Variants in USO1 observed in about 807,000 individuals in gnomAD.
The protein encoded by USO1 is USO1 vesicle transport factor, also known as general vesicular transport factor p115.
A neutral mutation model predicts 124.5 loss-of-function variants in USO1; 57 were observed. The ratio of observed to expected loss-of-function variants is 0.46; its 90% confidence interval spans 0.37 to 0.57. USO1 has a LOEUF of 0.57. Among genes scored for constraint, USO1 ranks in the 20% least tolerant of loss-of-function variants. The pLI, the probability that USO1 is intolerant of heterozygous loss-of-function variation, is 0.00. For missense variants in USO1, 900 were observed against 1,040.6 expected (o/e 0.86, Z 1.86); for synonymous variants, 369 against 362.8 (o/e 1.02, Z -0.19).
At position 75,800,695 on chromosome 4, in the gene USO1, A is replaced by G; in HGVS notation, c.1760A>G (p.His587Arg). The change falls in exon 16 of 24, where the codon CAT (histidine) becomes CGT (arginine). Residue 587 changes from histidine (H) to arginine (R), a missense_variant. By Grantham distance (29) the His-to-Arg change is conservative. Transcript: ENST00000514213. The part of the protein sequence containing the change: ...FIEKLGFISK[H>R]ELYSRASQKP... ...GAGAAACTAGGATTTATTAGCAAACATGAGTTGTATTCCAGAGCATCTCAG... is the reference window on the plus strand; with the variant it reads ...GAGAAACTAGGATTTATTAGCAAACGTGAGTTGTATTCCAGAGCATCTCAG... 3 of 1,604,100 alleles carry G rather than the reference A, an allele frequency of 1.9e-6. No homozygotes were observed. Among genetic ancestry groups the G allele is most frequent in the Non-Finnish European group, 2.5e-6 (3 of 1,177,570 alleles).
At chr4:75,739,415 A>G (rs952265593) in intron 1 of USO1, among the ~76,000 whole-genome samples, 9 of 151,922 alleles carry the variant, frequency 5.9e-5, no homozygotes, top group Non-Finnish European at 1.0e-4. Flanking sequence ...CAACATACAC[A>G]TCTCCAATTG....
chr4:75,800,919 C>T (rs1722831219), intron 16 of USO1, 120 bp downstream of exon 16: 2 of 1,441,336 alleles, frequency 1.4e-6, no homozygotes, highest in Non-Finnish European at 1.8e-6. Context: ...CTTCCTAGCT[C>T]TTGATCTGTA....
At chr4:75,757,332 CAATTAG>C (rs1721476219) in intron 3 of USO1, among the ~76,000 whole-genome samples, 159 bp from the exon 4 acceptor site, 1 of 152,002 alleles carries the variant, frequency 6.6e-6, no homozygotes, top group Admixed American at 6.6e-5. Context: ...TAAATTTTCA[CAATTAG>C]AAATAAAACT....
chr4:75,727,837 A>G (rs1476772655), intron 1 of USO1, among the ~76,000 whole-genome samples: 1 of 152,094 alleles, frequency 6.6e-6, no homozygotes, highest in East Asian at 1.9e-4. Context: ...TAAATTCATC[A>G]TCAGCGCCTC....
At position 75,812,363 on chromosome 4, in the gene USO1, T is replaced by A; in HGVS notation, c.2787T>A (p.Asp929Glu). ...TGTCATTGAAGAATAAACTCAAGGATCTTGGTCATCCAGTAAGATTAAAAT... is the reference window on the plus strand; with the variant it reads ...TGTCATTGAAGAATAAACTCAAGGAACTTGGTCATCCAGTAAGATTAAAAT... ...KILSLKNKLKDLGHPVEEEDE... is the reference protein window; with the variant it reads ...KILSLKNKLKELGHPVEEEDE... Residue 929 changes from aspartate (D) to glutamate (E), a missense_variant, in exon 23 of 24, where the codon GAT (aspartate) becomes GAA (glutamate). This residue lies in a region of USO1 where 362 missense variants were observed against 359.0 expected (regional missense o/e 1.01). Transcript: ENST00000514213. 1 of 1,587,816 alleles carries A rather than the reference T, an allele frequency of 6.3e-7. No homozygotes were observed. Among genetic ancestry groups the A allele is most frequent in the Non-Finnish European group, 8.6e-7 (1 of 1,166,818 alleles).
At chr4:75,801,372 C>T (rs1722846697) in intron 17 of USO1, among the ~76,000 whole-genome samples, 172 bp downstream of exon 17, 1 of 152,098 alleles carries the variant, frequency 6.6e-6, no homozygotes, top group South Asian at 2.1e-4. Flanking sequence ...TGCTAAGCAC[C>T]ATGCAGCTGA....
chr4:75,727,280 G>A (rs965771730), intron 1 of USO1, among the ~76,000 whole-genome samples: 1 of 152,180 alleles, frequency 6.6e-6, no homozygotes, highest in East Asian at 1.9e-4. Context: ...ACTGTGGATG[G>A]AACAACATAG....
rs766161115 is a variant in USO1, at chr4:75,774,760, C to A, written c.640C>A (p.Leu214Met). 1 of 1,613,676 alleles carries A rather than the reference C, an allele frequency of 6.2e-7. No homozygotes were observed. The highest frequency in any genetic ancestry group is 1.1e-5 in the South Asian group (1 of 91,054). Residue 214 changes from leucine (L) to methionine (M), a missense_variant, in exon 8 of 24, where the codon CTG becomes ATG. By Grantham distance (15) the Leu-to-Met change is conservative. Transcript: ENST00000514213. ...VAFENAFERL[L>M]DIISEEGNSD... ...TTTTGAAAATGCTTTCGAGAGACTA[C>A]TGGACATTATTTCAGAGGAGGGGAA... is the stretch of plus-strand genomic sequence containing the variant.
chr4:75,747,313 G>A (rs976883254), intron 1 of USO1, among the ~76,000 whole-genome samples: 6 of 152,120 alleles, frequency 3.9e-5, no homozygotes, highest in Non-Finnish European at 8.8e-5. Context: ...GTCTTGCTCT[G>A]TCATCCAGGC....
rs1156480083 is a variant in USO1 at position 75,802,915 on chromosome 4, TC to T, written c.1987-1218del. 2.0e-5 allele frequency among the ~76,000 whole-genome samples: 3 copies of T among 150,102 alleles called. No homozygotes were observed. The East Asian group carries it at 5.8e-4, about 29-fold the overall frequency. Reference sequence around the variant, plus strand: ...CTGACCAACATGGAGAAACCCTGTCTCTACTAAAAATACAAAAAATTAGCTG... The same window carrying T: ...CTGACCAACATGGAGAAACCCTGTCTTACTAAAAATACAAAAAATTAGCTG... On this transcript the variant is annotated intron_variant, in intron 17 of 23. Coordinates refer to ENST00000514213, the MANE Select transcript of USO1 (RefSeq NM_003715.4).
chr4:75,755,358 G>T, intron 3 of USO1: 2 of 462,584 alleles, frequency 4.3e-6, no homozygotes, highest in South Asian at 3.2e-5. Context: ...CAGTCTCTTT[G>T]TATTTCCATT....
rs1721890607 is a variant in USO1, at chr4:75,770,504, C to G, written c.361C>G (p.Gln121Glu). 1 of 1,594,704 alleles carries G rather than the reference C, an allele frequency of 6.3e-7. No homozygotes were observed. The highest frequency in any genetic ancestry group is 1.3e-5 in the African/African-American group (1 of 74,548). ...ATTTACAGAAATTTTCATTAAGCAG[C>G]AGGAAAATGTCACTCTTCTGTTATC... ...SQFTEIFIKQ[Q>E]ENVTLLLSLL... is the part of the protein sequence containing the mutation. Residue 121 changes from glutamine to glutamate, a missense_variant, in exon 5 of 24, where the codon CAG becomes GAG. By Grantham distance (29) the Gln-to-Glu change is conservative. This residue lies in a region of USO1 where 538 missense variants were observed against 681.6 expected (regional missense o/e 0.79). Transcript: ENST00000514213.
chr4:75,742,798 C>G (rs933136624), intron 1 of USO1, among the ~76,000 whole-genome samples: 2 of 152,108 alleles, frequency 1.3e-5, no homozygotes, highest in African/African-American at 2.4e-5. Context: ...ACATCCTTCC[C>G]AACTTTCCTA....
intron 3 of USO1, among the ~76,000 whole-genome samples, chr4:75,756,490 T>C (rs1721447593): frequency 6.7e-6 from 1 of 148,628 alleles, no homozygotes; most frequent in African/African-American, 2.5e-5. Flanking sequence ...AAGTGGTCTT[T>C]ATTGTCTTTC....
intron 1 of USO1, among the ~76,000 whole-genome samples, chr4:75,751,660 G>A (rs1721300047): frequency 2.6e-5 from 4 of 151,224 alleles, no homozygotes; most frequent in Middle Eastern, 3.4e-3. Flanking sequence ...GTGAAACCCT[G>A]TCTCTACTAA....
chr4:75,757,334 A>G (rs1721476293), intron 3 of USO1, among the ~76,000 whole-genome samples, 163 bp from the exon 4 acceptor site: 1 of 152,130 alleles, frequency 6.6e-6, no homozygotes, highest in Non-Finnish European at 1.5e-5. Flanking sequence ...AATTTTCACA[A>G]TTAGAAATAA....
chr4:75,745,235 A>G (rs890828814), intron 1 of USO1: 13 of 433,578 alleles, frequency 3.0e-5, no homozygotes, highest in African/African-American at 2.7e-4. Context: ...TAGTACTGAT[A>G]TTTTTCAGTT....
Position 75,734,193 on chromosome 4 carries a change from C to T in USO1, c.66+9308C>T, listed in dbSNP as rs531547930. ...TCTCCTGACCTCGTGATCCTCCCAC[C>T]TTGACCTCCCAAAGTGCTGGGATTA... On this transcript the variant is annotated intron_variant, in intron 1 of 23. Coordinates refer to ENST00000514213, the MANE Select transcript of USO1 (RefSeq NM_003715.4). 2.6e-4 allele frequency among the ~76,000 whole-genome samples: 40 copies of T among 152,288 alleles called. No homozygotes were observed. In the East Asian group the frequency reaches 5.0e-3, roughly 19 times the overall value.
chr4:75,731,306 A>G (rs1466359013), intron 1 of USO1, among the ~76,000 whole-genome samples: 1 of 152,258 alleles, frequency 6.6e-6, no homozygotes, highest in Non-Finnish European at 1.5e-5. Context: ...TCACGCCTGT[A>G]ATCCCAGCAC....
Sources: allele counts gnomAD v4.1 joint callset (sites outside exome capture counted in the v4.1 genomes callset), GRCh38; gene constraint gnomAD v4.1.1; regional missense constraint gnomAD v4.1.1; transcripts MANE v1.5; gene names NCBI Gene and HGNC (gene_info 2026-07-23, HGNC 2026-07-21).